The following SMPD4 variants were observed in gnomAD, a reference collection of about 807,000 sequenced individuals.
SMPD4 encodes neutral sphingomyelinase 3.
A neutral mutation model predicts 97.8 loss-of-function variants in SMPD4; 58 were observed. The observed-to-expected ratio is 0.59, with a 90% CI of 0.48 to 0.74. SMPD4 has a LOEUF of 0.74. Ranked by LOEUF, SMPD4 falls within the 30% of genes least tolerant of loss-of-function variation. SMPD4 has a pLI of 0.00. For synonymous variants in SMPD4, 388 were observed against 450.0 expected (o/e 0.86, Z 1.74); for missense variants, 853 against 1,080.5 (o/e 0.79, Z 2.95).
chr2:130,159,872 C>T (rs988126762), intron 11 of SMPD4, among the ~76,000 whole-genome samples: 1 of 152,134 alleles, frequency 6.6e-6, no homozygotes, highest in Admixed American at 6.5e-5. Flanking sequence ...ACTGCTTTCC[C>T]CTGCTGGTGC....
intron 4 of SMPD4, 48 bp downstream of exon 4, chr2:130,173,466 T>C (rs1688668169): frequency 6.3e-7 from 1 of 1,586,722 alleles, no homozygotes; most frequent in Non-Finnish European, 8.6e-7. Flanking sequence ...AAAGGTGGAA[T>C]CACCATGAGG....
At chr2:130,165,368 G>C (rs1398410805) in intron 9 of SMPD4, among the ~76,000 whole-genome samples, 1 of 151,042 alleles carries the variant, frequency 6.6e-6, no homozygotes, top group Non-Finnish European at 1.5e-5. Flanking sequence ...AGAGGTTGTG[G>C]TAAGCCAAAA....
chr2:130,156,779 G>C, intron 12 of SMPD4, 104 bp from the exon 13 acceptor site: 5 of 1,552,126 alleles, frequency 3.2e-6, no homozygotes, highest in Non-Finnish European at 4.4e-6. Flanking sequence ...CGCCGGGGGA[G>C]AGCACTGGGC....
At chr2:130,156,840 A>G in intron 12 of SMPD4, 165 bp from the exon 13 acceptor site, 1 of 1,540,572 alleles carries the variant, frequency 6.5e-7, no homozygotes. Context: ...CAAGGTTCAG[A>G]GAGGTTAGGG....
At chr2:130,161,114 C>CCGG (rs1339746023) in intron 11 of SMPD4, 72 bp downstream of exon 11, 2 of 1,467,400 alleles carry the variant, frequency 1.4e-6, no homozygotes, top group African/African-American at 2.8e-5. Flanking sequence ...GCGGCCGGCC[C>CCGG]CGGCGGCCCC....
intron 3 of SMPD4, among the ~76,000 whole-genome samples, 183 bp from the exon 4 acceptor site, chr2:130,173,839 C>T (rs1425485801): frequency 6.6e-6 from 1 of 152,062 alleles, no homozygotes; most frequent in Admixed American, 6.6e-5. Context: ...AGCAGCTTTA[C>T]GTTCTTCCAG....
intron 11 of SMPD4, chr2:130,158,262 G>A (rs1310061177): frequency 1.6e-6 from 2 of 1,287,076 alleles, no homozygotes; most frequent in South Asian, 2.5e-5. Context: ...TGTTGCCCAG[G>A]GACCTGTGGT....
At chr2:130,181,486 C>A (rs1464120489) in intron 1 of SMPD4, 44 bp downstream of exon 1, 1 of 1,566,868 alleles carries the variant, frequency 6.4e-7, no homozygotes, top group Non-Finnish European at 8.6e-7. Flanking sequence ...GGGGAAGCCC[C>A]CAGGGCGCCG....
chr2:130,157,706 A>C (rs1218891063), intron 11 of SMPD4: 2 of 424,454 alleles, frequency 4.7e-6, no homozygotes, highest in Admixed American at 7.9e-5. Context: ...CTGCTTCTGC[A>C]CGGCTGCAAA....
At position 130,153,390 on chromosome 2, in the gene SMPD4, C is replaced by G. The variant is rs752053519; in HGVS notation, c.1954G>C (p.Gly652Arg). The change falls in exon 18 of 20, where the codon GGA becomes CGA. Residue 652 changes from glycine (G) to arginine (R), a missense_variant. Transcript: ENST00000680298. ...LALGTTQDENGKKQLPDCIVG... is the reference protein window; with the variant it reads ...LALGTTQDENRKKQLPDCIVG... ...ATGCAGTCGGGGAGTTGCTTTTTTC[C>G]ATTCTCATCCTGGGTGGTGCCCAAG... 1 of 1,613,862 alleles carries G rather than the reference C, an allele frequency of 6.2e-7. No homozygotes were observed. The highest frequency in any genetic ancestry group is 1.7e-5 in the Admixed American group (1 of 60,032).
At chr2:130,167,634 G>C (rs1375265947) in intron 8 of SMPD4, 44 bp from the exon 9 acceptor site, 2 of 1,553,794 alleles carry the variant, frequency 1.3e-6, no homozygotes, top group Admixed American at 3.8e-5. Context: ...GGCTCCCGCT[G>C]TAACTCGCTC....
rs1573658974 is a variant in SMPD4 at position 130,153,806 on chromosome 2, C to T, written c.1789G>A (p.Gly597Ser). Residue 597 changes from glycine (G) to serine (S), a missense_variant, in exon 17 of 20, where the codon GGC becomes AGC. Around this residue, in one of 3 missense-constraint regions of SMPD4, gnomAD observed 511 missense variants for 608.1 expected, o/e 0.84. Coordinates refer to ENST00000680298, the MANE Select transcript of SMPD4 (RefSeq NM_017951.5). ...TCCAGGTCGTTGGCTGTGTAGGAGC[C>T]ATTGGTGTCCATGGAGCTAAAGCCC... ...WLGFSSMDTN[G>S]SYTANDLDEM... 5 of 1,614,004 alleles carry T rather than the reference C, an allele frequency of 3.1e-6. No homozygotes were observed. Among genetic ancestry groups the T allele is most frequent in the Non-Finnish European group, 4.2e-6 (5 of 1,179,878 alleles).
In SMPD4 at chr2:130,153,338, G is replaced by C; in HGVS notation, c.2006C>G (p.Thr669Arg). Residue 669 changes from threonine (T) to arginine (R), a missense_variant, in exon 18 of 20, where the codon ACG becomes AGG. Transcript: ENST00000680298. The stretch of plus-strand genomic sequence containing the variant: ...TCTCACCTGGTACCGCCCCAGGGGC[G>C]TAAGGATGAGTCCGTCCTCACCCAC... ...CIVGEDGLILTPLGRYQIING... is the reference protein window; with the variant it reads ...CIVGEDGLILRPLGRYQIING... 1 of 1,613,820 alleles carries C rather than the reference G, an allele frequency of 6.2e-7. No individual in the cohort carries two copies. Among genetic ancestry groups the C allele is most frequent in the East Asian group, 2.2e-5 (1 of 44,886 alleles).
chr2:130,158,113 G>A (rs551937008), intron 11 of SMPD4: 78 of 1,011,096 alleles, frequency 7.7e-5, no homozygotes, highest in African/African-American at 3.2e-4. Context: ...GCACTCCAGC[G>A]TGGGTGAGAG....
chr2:130,158,698 C>T (rs949707977), intron 11 of SMPD4, among the ~76,000 whole-genome samples: 1 of 152,190 alleles, frequency 6.6e-6, no homozygotes, highest in South Asian at 2.1e-4. Flanking sequence ...GGCAGGTGGG[C>T]GCATCGAGAG....
At chr2:130,160,401 C>T (rs1687272660) in intron 11 of SMPD4, among the ~76,000 whole-genome samples, 1 of 152,262 alleles carries the variant, frequency 6.6e-6, no homozygotes. Flanking sequence ...AGATCACTGG[C>T]TGTGAGCACA....
rs1194741622 is a variant in SMPD4 at position 130,181,470 on chromosome 2, G to A, written c.-46+60C>T. 3.9e-6 allele frequency: 6 copies of A among 1,549,460 alleles called. No homozygotes were observed. The East Asian group carries it at 1.2e-4, about 31-fold the overall frequency. On this transcript the variant is annotated intron_variant, in intron 1 of 19. Coordinates refer to ENST00000680298, the MANE Select transcript of SMPD4 (RefSeq NM_017951.5). The stretch of plus-strand genomic sequence containing the variant: ...GGAGGAACGGAGATGGCCTCCGCAG[G>A]GGCTCGGGGAAGCCCCCAGGGCGCC...
rs764924814 is a variant in SMPD4, at chr2:130,172,281, G to A, written c.659+68C>T. 746 of 1,453,842 alleles carry A rather than the reference G, an allele frequency of 5.1e-4. 11 individuals are homozygous for A. The highest frequency in any genetic ancestry group is 7.7e-4 in the Admixed American group (29 of 37,518). The allele number at this position is 1,453,842 out of a possible 1,614,324, so 90.1% of individuals were successfully genotyped here. A position where few individuals can be genotyped will look rare whatever the true frequency, so the allele number is the denominator to read the frequency against. ...GACAAAGGGTGGCAACATTGTCCCC[G>A]TGGGCGATGCAAGTGACCAGGCCAC... On this transcript the variant is annotated intron_variant, in intron 8 of 19. Coordinates refer to ENST00000680298, the MANE Select transcript of SMPD4 (RefSeq NM_017951.5).
chr2:130,175,076 A>T, intron 2 of SMPD4, 76 bp from the exon 3 acceptor site: 1 of 1,061,776 alleles, frequency 9.4e-7, no homozygotes, highest in Non-Finnish European at 1.5e-6. Flanking sequence ...GGCTTGAGTC[A>T]AACAGAAATC....
Sources: gnomAD v4.1 joint callset for allele counts (sites outside exome capture counted in the v4.1 genomes callset) on GRCh38, gnomAD v4.1.1 for gene constraint, gnomAD v4.1.1 regional missense constraint, MANE v1.5 for transcripts, NCBI Gene and HGNC (gene_info 2026-07-23, HGNC 2026-07-21) for gene names.